Variants in BCL2L13 observed in about 807,000 individuals in gnomAD.
The protein encoded by BCL2L13 is BCL2 like 13.
Under a neutral mutation model 25.8 loss-of-function variants are expected in BCL2L13, and 13 were observed. That is an observed-to-expected ratio of 0.50 (90% CI 0.33 to 0.80). The LOEUF (loss-of-function observed/expected upper bound fraction) is 0.80, where lower values mean the gene tolerates loss of function less well. Among genes scored for constraint, BCL2L13 ranks in the 30% least tolerant of loss-of-function variants. The probability of loss-of-function intolerance (pLI) is 0.02; values close to 1 mark genes in which losing one functional copy is unlikely to be tolerated. For synonymous variants in BCL2L13, 244 were observed against 230.3 expected, an observed-to-expected ratio of 1.06 and a Z score of -0.54; for missense variants, 504 against 574.9, an observed-to-expected ratio of 0.88 and a Z score of 1.26.
intron 3 of BCL2L13, among the ~76,000 whole-genome samples, chr22:17,683,801 G>A (rs80309328): frequency 0.015 from 2,250 of 151,216 alleles, 55 homozygotes; most frequent in African/African-American, 0.05. Flanking sequence ...TACTAACTGC[G>A]TGAAATTTCA....
chr22:17,683,487 T>G (rs1201249631), intron 3 of BCL2L13, among the ~76,000 whole-genome samples, 166 bp downstream of exon 3: 1 of 152,216 alleles, frequency 6.6e-6, no homozygotes, highest in Non-Finnish European at 1.5e-5. Flanking sequence ...TAGCCTTTTT[T>G]CTTTCCTGGA....
chr22:17,629,815 T>TCA (rs200829236), intron 1 of BCL2L13, among the ~76,000 whole-genome samples: 1,247 of 115,344 alleles, frequency 0.011, 14 homozygotes, highest in African/African-American at 0.048. Flanking sequence ...CACTTTATTT[T>TCA]CATACACACA....
intron 1 of BCL2L13, among the ~76,000 whole-genome samples, chr22:17,652,663 T>C (rs999642164): frequency 6.6e-6 from 1 of 152,180 alleles, no homozygotes; most frequent in Non-Finnish European, 1.5e-5. Flanking sequence ...GATCTTGAAC[T>C]CCTGGCCTCA....
At chr22:17,682,733 A>G (rs754750595) in intron 2 of BCL2L13, among the ~76,000 whole-genome samples, 1 of 152,182 alleles carries the variant, frequency 6.6e-6, no homozygotes. Context: ...AAATATTTCT[A>G]CTAAAGGTTG....
intron 4 of BCL2L13, among the ~76,000 whole-genome samples, chr22:17,695,325 G>A (rs1196896390): frequency 6.6e-6 from 1 of 152,066 alleles, no homozygotes; most frequent in African/African-American, 2.4e-5. Context: ...GCATGGTAAC[G>A]TTCAGCCTTC....
At chr22:17,666,195 A>T (rs1568946591) in intron 2 of BCL2L13, among the ~76,000 whole-genome samples, 1 of 131,624 alleles carries the variant, frequency 7.6e-6, no homozygotes, top group African/African-American at 3.1e-5. Context: ...TTAATTTTTA[A>T]ATGTATTTTT....
At chr22:17,655,895 T>G in intron 2 of BCL2L13, 63 bp downstream of exon 2, 1 of 1,443,914 alleles carries the variant, frequency 6.9e-7, no homozygotes. Flanking sequence ...TATAAAAGTA[T>G]ATGTATCTAA....
intron 6 of BCL2L13, among the ~76,000 whole-genome samples, chr22:17,721,792 C>T (rs1295165709): frequency 2.0e-5 from 3 of 152,170 alleles, no homozygotes; most frequent in African/African-American, 7.2e-5. Context: ...TCCCAAAGTG[C>T]TGGGATTACA....
chr22:17,688,217 A>C (rs565456220), intron 3 of BCL2L13, among the ~76,000 whole-genome samples: 1 of 152,344 alleles, frequency 6.6e-6, no homozygotes, highest in East Asian at 1.9e-4. Context: ...TCAGCCTCCC[A>C]AAATGCTGGG....
intron 2 of BCL2L13, among the ~76,000 whole-genome samples, chr22:17,668,292 C>T (rs1200200228): frequency 9.9e-5 from 15 of 151,852 alleles, no homozygotes; most frequent in East Asian, 5.8e-4. Flanking sequence ...GGATTACAGG[C>T]GTGAGCCACC....
At chr22:17,629,846 C>CACA (rs1555867706) in intron 1 of BCL2L13, among the ~76,000 whole-genome samples, 1 of 151,578 alleles carries the variant, frequency 6.6e-6, no homozygotes, top group African/African-American at 2.4e-5. Flanking sequence ...CACACACACA[C>CACA]ACTTCCTATT....
intron 4 of BCL2L13, among the ~76,000 whole-genome samples, chr22:17,695,110 A>AG (rs2060224651): frequency 6.6e-6 from 1 of 152,160 alleles, no homozygotes; most frequent in Non-Finnish European, 1.5e-5. Flanking sequence ...TACCACCATC[A>AG]GGGCAAGAAA....
At chr22:17,678,130 T>C (rs1197588016) in intron 2 of BCL2L13, among the ~76,000 whole-genome samples, 2 of 152,146 alleles carry the variant, frequency 1.3e-5, no homozygotes, top group East Asian at 3.9e-4. Flanking sequence ...TCAAGTGATC[T>C]TCACACATCA....
At chr22:17,684,281 C>T (rs2059843359) in intron 3 of BCL2L13, among the ~76,000 whole-genome samples, 1 of 151,808 alleles carries the variant, frequency 6.6e-6, no homozygotes, top group Non-Finnish European at 1.5e-5. Flanking sequence ...CCACACTGGG[C>T]AACATAGGGA....
At chr22:17,683,737 A>T (rs752668805) in intron 3 of BCL2L13, among the ~76,000 whole-genome samples, 21,743 of 151,932 alleles carry the variant, frequency 0.14, 2,047 homozygotes, top group Non-Finnish European at 0.21. Context: ...TCAACTTTAT[A>T]GCCATTTTAT....
chr22:17,631,684 A>ATATATATATT (rs2058024216), intron 1 of BCL2L13, among the ~76,000 whole-genome samples: 1 of 32,830 alleles, frequency 3.0e-5, no homozygotes, highest in African/African-American at 8.8e-5. Flanking sequence ...ATATATATAT[A>ATATATATATT]TATATATATA....
At chr22:17,646,342 G>C (rs1412570353) in intron 1 of BCL2L13, among the ~76,000 whole-genome samples, 2 of 151,604 alleles carry the variant, frequency 1.3e-5, no homozygotes, top group East Asian at 3.9e-4. Flanking sequence ...CACCTCCTGG[G>C]TTCAGGCGAT....
At chr22:17,677,279 G>T (rs748500247) in intron 2 of BCL2L13, among the ~76,000 whole-genome samples, 5 of 152,214 alleles carry the variant, frequency 3.3e-5, no homozygotes, top group Non-Finnish European at 5.9e-5. Flanking sequence ...AGTAGAAAAT[G>T]AATCAGAATC....
chr22:17,682,733 A>T (rs754750595), intron 2 of BCL2L13, among the ~76,000 whole-genome samples: 1 of 152,182 alleles, frequency 6.6e-6, no homozygotes, highest in Admixed American at 6.5e-5. Flanking sequence ...AAATATTTCT[A>T]CTAAAGGTTG....
Sources: gnomAD v4.1 joint callset for allele counts (sites outside exome capture counted in the v4.1 genomes callset) on GRCh38, gnomAD v4.1.1 for gene constraint, MANE v1.5 for transcripts, NCBI Gene and HGNC (gene_info 2026-07-23, HGNC 2026-07-21) for gene names.